Variants in DUSP22 observed in about 807,000 individuals in gnomAD.
The protein encoded by DUSP22 is dual specificity protein phosphatase 22.
In DUSP22, 24 loss-of-function variants were observed where a neutral mutation model predicts 24.5. That is an observed-to-expected ratio of 0.98 (90% CI 0.71 to 1.38). The LOEUF (loss-of-function observed/expected upper bound fraction) is 1.38, where lower values mean the gene tolerates loss of function less well. Among genes scored for constraint, DUSP22 ranks in the 40% most tolerant of loss-of-function variants. The pLI is 0.00. For missense variants in DUSP22, 330 were observed against 269.2 expected (o/e 1.23, Z -1.58); for synonymous variants, 160 against 106.4 (o/e 1.50, Z -3.10).
intron 3 of DUSP22, among the ~76,000 whole-genome samples, chr6:334,765 A>G (rs1759288079): frequency 1.3e-5 from 2 of 152,310 alleles, no homozygotes; most frequent in South Asian, 2.1e-4. Flanking sequence ...AATGAAATAT[A>G]TAAAAAATTT....
intron 3 of DUSP22, among the ~76,000 whole-genome samples, chr6:315,275 C>T (rs1758292964): frequency 6.6e-6 from 1 of 152,304 alleles, no homozygotes; most frequent in Admixed American, 6.5e-5. Context: ...GAGCTCTGAC[C>T]CGTTTCTATG....
chr6:333,018 A>G (rs1759204569), intron 3 of DUSP22, among the ~76,000 whole-genome samples: 1 of 152,306 alleles, frequency 6.6e-6, no homozygotes, highest in African/African-American at 2.4e-5. Context: ...TATACCAACA[A>G]GCTTGTTTGG....
chr6:346,632 C>T (rs1042244535), intron 5 of DUSP22, among the ~76,000 whole-genome samples: 1 of 152,304 alleles, frequency 6.6e-6, no homozygotes, highest in Non-Finnish European at 1.5e-5. Context: ...AGCCAAAATT[C>T]AGGAGCCAAG....
intron 3 of DUSP22, among the ~76,000 whole-genome samples, chr6:313,097 CT>C (rs1758183230): frequency 6.6e-6 from 1 of 151,960 alleles, no homozygotes; most frequent in Admixed American, 6.6e-5. Flanking sequence ...ATTTTTTAAT[CT>C]GTCAACAATA....
At chr6:348,340 C>G (rs1471801034) in intron 6 of DUSP22, 66 bp downstream of exon 6, 13 of 1,597,348 alleles carry the variant, frequency 8.1e-6, no homozygotes, top group South Asian at 1.1e-5. Flanking sequence ...CACAGTCTTT[C>G]CGTACACAGC....
chr6:338,233 G>A (rs1358116767), intron 4 of DUSP22, among the ~76,000 whole-genome samples: 1 of 152,292 alleles, frequency 6.6e-6, no homozygotes, highest in Non-Finnish European at 1.5e-5. Context: ...ATTGCTTGCT[G>A]TACTAAAGTT....
intron 2 of DUSP22, among the ~76,000 whole-genome samples, chr6:311,462 C>A (rs1379786897): frequency 3.9e-5 from 6 of 152,408 alleles, no homozygotes; most frequent in African/African-American, 1.4e-4. Context: ...GGGCGGCTCA[C>A]GAGGTCAGGA....
At chr6:344,644 C>T (rs1225982055) in intron 4 of DUSP22, among the ~76,000 whole-genome samples, 1 of 152,294 alleles carries the variant, frequency 6.6e-6, no homozygotes, top group Admixed American at 6.5e-5. Flanking sequence ...CTCATCTGCC[C>T]TGTGAGATAC....
intron 3 of DUSP22, among the ~76,000 whole-genome samples, chr6:322,830 T>TGGGCGGGG (rs1758665788): frequency 5.3e-5 from 1 of 18,802 alleles, no homozygotes; most frequent in African/African-American, 1.8e-4. Context: ...GGCTGCTTGG[T>TGGGCGGGG]GGGGCGGGGG....
At chr6:346,066 C>T in intron 5 of DUSP22, 138 bp downstream of exon 5, 2 of 1,104,104 alleles carry the variant, frequency 1.8e-6, no homozygotes, top group Non-Finnish European at 2.6e-6. Flanking sequence ...ACGCGTGCTC[C>T]ATTTGTCCAG....
intron 2 of DUSP22, among the ~76,000 whole-genome samples, chr6:309,978 T>C (rs1362815618): frequency 6.6e-6 from 1 of 152,302 alleles, no homozygotes; most frequent in Non-Finnish European, 1.5e-5. Flanking sequence ...TTGTTTTGCT[T>C]GAGATAGACT....
intron 3 of DUSP22, among the ~76,000 whole-genome samples, chr6:317,043 T>C (rs545586665): frequency 6.6e-6 from 1 of 152,430 alleles, no homozygotes; most frequent in East Asian, 1.9e-4. Flanking sequence ...ATTCTGTTTA[T>C]ATTTCTTTTA....
intron 3 of DUSP22, among the ~76,000 whole-genome samples, chr6:323,170 T>A (rs940576000): frequency 6.6e-6 from 1 of 152,302 alleles, no homozygotes; most frequent in East Asian, 1.9e-4. Context: ...ACAAGCTCTG[T>A]CCATGCTTTT....
In DUSP22 at chr6:348,268, C is replaced by G. The variant is rs1363181352; in HGVS notation, c.429C>G (p.Val143=). 6.2e-7 allele frequency: 1 copy of G among 1,614,166 alleles called. No homozygotes were observed. Among genetic ancestry groups the G allele is most frequent in the African/African-American group, 1.3e-5 (1 of 74,966 alleles). The part of the protein sequence containing the change: ...RQLQEFEKHE[V]HQYRQWLKEE... ...TCCAGGAGTTTGAGAAGCATGAGGT[C>G]CATCAGGTAAGCAGTTCTTAGGGGA... The change falls in exon 6 of 7, where the codon GTC becomes GTG. Residue 143 remains valine (V), a synonymous_variant. Coordinates refer to ENST00000419235, the MANE Select transcript of DUSP22 (RefSeq NM_001286555.3).
At chr6:312,860 G>T (rs1248652653) in intron 3 of DUSP22, among the ~76,000 whole-genome samples, 1 of 152,294 alleles carries the variant, frequency 6.6e-6, no homozygotes, top group African/African-American at 2.4e-5. Context: ...AATAATAAAT[G>T]ATTCTACTAA....
chr6:307,475 C>A (rs1424758789), intron 2 of DUSP22, among the ~76,000 whole-genome samples: 1 of 152,418 alleles, frequency 6.6e-6, no homozygotes, highest in East Asian at 1.9e-4. Flanking sequence ...GGAGAAGAAC[C>A]ACAAACAAAC....
At chr6:297,895 C>T (rs1757414586) in intron 1 of DUSP22, among the ~76,000 whole-genome samples, 1 of 152,308 alleles carries the variant, frequency 6.6e-6, no homozygotes, top group Non-Finnish European at 1.5e-5. Flanking sequence ...TCCATCCATG[C>T]ACCTGTTCAC....
chr6:331,959 G>A (rs1298837034), intron 3 of DUSP22, among the ~76,000 whole-genome samples: 1 of 152,306 alleles, frequency 6.6e-6, no homozygotes, highest in African/African-American at 2.4e-5. Flanking sequence ...AGCATGTGTG[G>A]GTGGCTTGCT....
intron 1 of DUSP22, among the ~76,000 whole-genome samples, chr6:302,260 GC>G (rs1757613715): frequency 6.6e-6 from 1 of 152,308 alleles, no homozygotes; most frequent in Admixed American, 6.5e-5. Context: ...CTTCCTCACA[GC>G]CCCACACATC....
Sources: allele counts gnomAD v4.1 joint callset (sites outside exome capture counted in the v4.1 genomes callset), GRCh38; gene constraint gnomAD v4.1.1; transcripts MANE v1.5; gene names NCBI Gene and HGNC (gene_info 2026-07-23, HGNC 2026-07-21).